NUFIP1: variants seen among roughly 807,000 people sequenced by gnomAD.
NUFIP1 encodes FMR1-interacting protein NUFIP1.
NUFIP1 carries 38 observed loss-of-function variants against 56.2 expected under a neutral mutation model. That is an observed-to-expected ratio of 0.68 (90% CI 0.52 to 0.89). The LOEUF is 0.89. Ranked by LOEUF, NUFIP1 falls within the 40% of genes least tolerant of loss-of-function variation. NUFIP1 has a pLI of 0.00. For missense variants in NUFIP1, 567 were observed against 605.8 expected (o/e 0.94, Z 0.67); for synonymous variants, 215 against 212.4 (o/e 1.01, Z -0.10).
At chr13:44,958,492 G>T (rs901599298) in intron 7 of NUFIP1, among the ~76,000 whole-genome samples, 2 of 152,032 alleles carry the variant, frequency 1.3e-5, no homozygotes, top group South Asian at 2.1e-4. Flanking sequence ...GTTCCCTTAT[G>T]CAATGATCTT....
intron 6 of NUFIP1, among the ~76,000 whole-genome samples, chr13:44,962,584 T>A (rs1410065365): frequency 6.6e-6 from 1 of 152,224 alleles, no homozygotes; most frequent in Admixed American, 6.5e-5. Flanking sequence ...TTCCCAGTAA[T>A]GTCATAACAT....
rs573213508 is a variant in NUFIP1, at chr13:44,989,455, G to C, written c.-19C>G. 1 of 1,610,890 alleles carries C rather than the reference G, an allele frequency of 6.2e-7. No homozygotes were observed. Among genetic ancestry groups the C allele is most frequent in the Non-Finnish European group, 8.5e-7 (1 of 1,178,466 alleles). ...CAGCCATACCACTGGCGGGTCCGGA[G>C]TCTAGCACGCGACTGTGGAGCAAGC... On this transcript the variant is annotated 5_prime_UTR_variant, in exon 1 of 10. Transcript: ENST00000379161.
chr13:44,989,385 G>C lies in NUFIP1; in HGVS notation c.52C>G (p.Pro18Ala). ...FETPIGWHAS[P>A]ELTPTLGPLS... ...GGCCCTAACGTGGGAGTCAGCTCGG[G>C]AGACGCATGCCACCCGATAGGAGTC... Residue 18 changes from proline (P) to alanine (A), a missense_variant, in exon 1 of 10, where the codon CCC (proline) becomes GCC (alanine). By Grantham distance (27) the Pro-to-Ala change is conservative. Coordinates refer to ENST00000379161, the MANE Select transcript of NUFIP1 (RefSeq NM_012345.3). 5.0e-6 allele frequency: 8 copies of C among 1,613,632 alleles called. No homozygotes were observed. The highest frequency in any genetic ancestry group is 6.8e-6 in the Non-Finnish European group (8 of 1,179,914).
chr13:44,950,522 T>C (rs568494645), intron 7 of NUFIP1, among the ~76,000 whole-genome samples: 1 of 152,278 alleles, frequency 6.6e-6, no homozygotes, highest in East Asian at 1.9e-4. Context: ...ATTTTTTGTA[T>C]TTTTAGTAGA....
At chr13:44,984,475 T>C (rs1272996004) in intron 1 of NUFIP1, among the ~76,000 whole-genome samples, 1 of 151,950 alleles carries the variant, frequency 6.6e-6, no homozygotes, top group Non-Finnish European at 1.5e-5. Context: ...ACCCAGTCTC[T>C]ACCAAAAATA....
At chr13:44,944,349 T>C (rs956277982) in intron 8 of NUFIP1, among the ~76,000 whole-genome samples, 2 of 152,098 alleles carry the variant, frequency 1.3e-5, no homozygotes, top group African/African-American at 4.8e-5. Context: ...ACAGTGAACA[T>C]CACCAGGGAT....
At chr13:44,983,830 T>TAGAAG in intron 1 of NUFIP1, among the ~76,000 whole-genome samples, 1 of 152,136 alleles carries the variant, frequency 6.6e-6, no homozygotes, top group Non-Finnish European at 1.5e-5. Context: ...GAGTTTGACC[T>TAGAAG]TCTCTCACTC....
At chr13:44,955,667 A>G (rs2137899768) in intron 7 of NUFIP1, among the ~76,000 whole-genome samples, 1 of 152,328 alleles carries the variant, frequency 6.6e-6, no homozygotes, top group East Asian at 1.9e-4. Context: ...GCTCTTGCCC[A>G]AGGTAAGAGA....
chr13:44,985,871 C>G (rs951631499), intron 1 of NUFIP1, among the ~76,000 whole-genome samples: 1 of 152,124 alleles, frequency 6.6e-6, no homozygotes, highest in African/African-American at 2.4e-5. Flanking sequence ...AAATCGAAAG[C>G]CAGAAATGAT....
Position 44,989,383 on chromosome 13 carries a change from G to T in NUFIP1, c.54C>A (p.Pro18=). The change falls in exon 1 of 10, where the codon CCC becomes CCA. Residue 18 remains proline (P), a synonymous_variant. Coordinates refer to ENST00000379161, the MANE Select transcript of NUFIP1 (RefSeq NM_012345.3). ...GGGGCCCTAACGTGGGAGTCAGCTCGGGAGACGCATGCCACCCGATAGGAG... is the reference window on the plus strand; with the variant it reads ...GGGGCCCTAACGTGGGAGTCAGCTCTGGAGACGCATGCCACCCGATAGGAG... ...FETPIGWHAS[P]ELTPTLGPLS... is the part of the protein sequence containing the mutation. 1 of 1,613,538 alleles carries T rather than the reference G, an allele frequency of 6.2e-7. No homozygotes were observed. The highest frequency in any genetic ancestry group is 8.5e-7 in the Non-Finnish European group (1 of 1,179,888).
intron 7 of NUFIP1, among the ~76,000 whole-genome samples, chr13:44,959,173 C>T (rs1264549941): frequency 2.6e-5 from 4 of 152,148 alleles, no homozygotes; most frequent in Non-Finnish European, 5.9e-5. Context: ...CTATAGCCTC[C>T]CTGCCCCATG....
chr13:44,966,592 G>A (rs1034493869), intron 5 of NUFIP1, among the ~76,000 whole-genome samples: 18 of 152,194 alleles, frequency 1.2e-4, no homozygotes, highest in South Asian at 8.3e-4. Flanking sequence ...TGGGATTACA[G>A]GCGTGAACCA....
rs1593371035 is a variant in NUFIP1 at position 44,982,191 on chromosome 13, G to A, written c.413-37C>T. 3 of 998,256 alleles carry A rather than the reference G, an allele frequency of 3.0e-6. No homozygotes were observed. The East Asian group carries it at 8.9e-5, about 30-fold the overall frequency. 61.8% of individuals were successfully genotyped at this position (998,256 alleles called of 1,614,324 possible). A position where few individuals can be genotyped will look rare whatever the true frequency, so the allele number is the denominator to read the frequency against. ...AAGATCCATAAATGTTTGCAACAAT[G>A]TAATTATTTAAATTATAATTAAATT... On this transcript the variant is annotated intron_variant, in intron 1 of 9. Coordinates refer to ENST00000379161, the MANE Select transcript of NUFIP1 (RefSeq NM_012345.3).
At chr13:44,968,986 T>C (rs2137912826) in intron 5 of NUFIP1, among the ~76,000 whole-genome samples, 2 of 152,322 alleles carry the variant, frequency 1.3e-5, no homozygotes, top group Middle Eastern at 6.8e-3. Context: ...CAGACTGCAG[T>C]ATCATGTTCC....
At chr13:44,966,928 G>T (rs754989925) in intron 5 of NUFIP1, among the ~76,000 whole-genome samples, 4 of 150,336 alleles carry the variant, frequency 2.7e-5, no homozygotes, top group Non-Finnish European at 5.9e-5. Context: ...ACCTGAGATC[G>T]TGCCGCTGCA....
chr13:44,951,226 C>A (rs138020867), intron 7 of NUFIP1, among the ~76,000 whole-genome samples: 53 of 152,258 alleles, frequency 3.5e-4, no homozygotes, highest in African/African-American at 1.3e-3. Context: ...GGAGACTTCC[C>A]ATTCATTGGC....
intron 6 of NUFIP1, among the ~76,000 whole-genome samples, chr13:44,962,090 A>G (rs1871444832): frequency 6.6e-6 from 1 of 152,224 alleles, no homozygotes. Context: ...GATTAATAAA[A>G]AAAAGATTCC....
intron 1 of NUFIP1, among the ~76,000 whole-genome samples, chr13:44,984,149 C>A (rs1334592692): frequency 6.6e-6 from 1 of 152,196 alleles, no homozygotes; most frequent in Non-Finnish European, 1.5e-5. Flanking sequence ...TCTTTCTCTA[C>A]CTAGGAAACA....
intron 9 of NUFIP1, among the ~76,000 whole-genome samples, chr13:44,942,354 A>AG (rs1294562995): frequency 2.6e-5 from 4 of 152,238 alleles, no homozygotes; most frequent in African/African-American, 9.6e-5. Flanking sequence ...TGTTATTGAT[A>AG]GAGTTCAGAA....
Sources: allele counts gnomAD v4.1 joint callset (sites outside exome capture counted in the v4.1 genomes callset), GRCh38; gene constraint gnomAD v4.1.1; transcripts MANE v1.5; gene names NCBI Gene and HGNC (gene_info 2026-07-23, HGNC 2026-07-21).